The following CHST9 variants were observed in gnomAD, a reference collection of about 807,000 sequenced individuals.
The protein encoded by CHST9 is GalNAc-4-sulfotransferase 2.
Under a neutral mutation model 44.4 loss-of-function variants are expected in CHST9, and 41 were observed. The observed-to-expected ratio is 0.92, with a 90% confidence interval of 0.72 to 1.20. The LOEUF is 1.20. CHST9 is among the 50% of genes most tolerant of loss of function. The pLI, the probability that CHST9 is intolerant of heterozygous loss-of-function variation, is 0.00. For synonymous variants in CHST9, 171 were observed against 178.4 expected (o/e 0.96, Z 0.33); for missense variants, 504 against 516.5 (o/e 0.98, Z 0.23).
chr18:27,063,748 C>T (rs1375887143), intron 2 of CHST9, among the ~76,000 whole-genome samples: 1 of 151,942 alleles, frequency 6.6e-6, no homozygotes. Flanking sequence ...CCTCAATTCA[C>T]TATTTGCTAT....
At chr18:26,946,771 A>G (rs2145121788) in intron 4 of CHST9, among the ~76,000 whole-genome samples, 1 of 152,082 alleles carries the variant, frequency 6.6e-6, no homozygotes, top group Non-Finnish European at 1.5e-5. Context: ...TTTATTAAAT[A>G]GGAAATCCTT....
chr18:27,101,508 G>C lies in CHST9; in HGVS notation c.121+41181C>G, dbSNP rs536046949. Reference sequence around the variant, plus strand: ...CTGGCGGGGGTGAGGGTGGGCGGGGGCTGAGGCCGGAGAATGGAGTGAACC... The same window carrying C: ...CTGGCGGGGGTGAGGGTGGGCGGGGCCTGAGGCCGGAGAATGGAGTGAACC... On this transcript the variant is annotated intron_variant, in intron 2 of 5. Coordinates refer to ENST00000618847, the MANE Select transcript of CHST9 (RefSeq NM_031422.6). Among the ~76,000 whole-genome samples, 1,147 of 151,716 alleles carry C rather than the reference G, an allele frequency of 7.6e-3. 15 individuals carry two copies. Among genetic ancestry groups the C allele is most frequent in the African/African-American group, 0.026 (1,057 of 41,312 alleles).
intron 4 of CHST9, among the ~76,000 whole-genome samples, chr18:27,008,985 T>C (rs186220647): frequency 4.2e-4 from 64 of 151,858 alleles, no homozygotes; most frequent in African/African-American, 1.4e-3. Flanking sequence ...CACTTGCGAG[T>C]GCTCTCACTC....
intron 4 of CHST9, among the ~76,000 whole-genome samples, chr18:26,948,922 G>A (rs1299898748): frequency 5.9e-5 from 9 of 152,084 alleles, no homozygotes; most frequent in Non-Finnish European, 1.0e-4. Flanking sequence ...TGTAATACAC[G>A]CATACACTTT....
chr18:26,944,499 A>G, intron 4 of CHST9, 133 bp from the exon 5 acceptor site: 1 of 653,910 alleles, frequency 1.5e-6, no homozygotes, highest in Non-Finnish European at 2.7e-6. Flanking sequence ...TTCTATCACA[A>G]TGTGGATGTT....
At chr18:27,178,889 T>C (rs2143976760) in intron 1 of CHST9, among the ~76,000 whole-genome samples, 1 of 152,186 alleles carries the variant, frequency 6.6e-6, no homozygotes, top group Non-Finnish European at 1.5e-5. Context: ...TTTTGTGGTA[T>C]AAATTCCAGT....
In CHST9 at chr18:26,908,044, AT is replaced by A. The variant is rs373988633; in HGVS notation, c.*8214del. 132 of 153,268 alleles carry A rather than the reference AT, an allele frequency of 8.6e-4. No homozygotes were observed. Among genetic ancestry groups the A allele is most frequent in the Non-Finnish European group, 1.5e-3 (101 of 68,640 alleles). The allele number at this position is 153,268 out of a possible 1,614,324, so 9.5% of individuals were successfully genotyped here. A position where few individuals can be genotyped will look rare whatever the true frequency, so the allele number is the denominator to read the frequency against. On this transcript the variant is annotated 3_prime_UTR_variant, in exon 6 of 6. Coordinates refer to ENST00000618847, the MANE Select transcript of CHST9 (RefSeq NM_031422.6). ...GTTGTTTAATAGGTGCAGAGTATCC[AT>A]TTTTCACAAGGAAGGAAGGTATGTG...
chr18:27,077,982 G>T (rs1037605993), intron 2 of CHST9, among the ~76,000 whole-genome samples: 5 of 152,070 alleles, frequency 3.3e-5, no homozygotes, highest in Non-Finnish European at 7.4e-5. Context: ...GAGCATGAAG[G>T]GGGAGGTGCC....
chr18:27,144,381 G>C (rs1327619492), intron 1 of CHST9, among the ~76,000 whole-genome samples: 2 of 152,098 alleles, frequency 1.3e-5, no homozygotes. Flanking sequence ...GGTATTCTTG[G>C]CAAAACCAAT....
intron 2 of CHST9, among the ~76,000 whole-genome samples, chr18:27,078,586 C>T (rs1264452400): frequency 6.6e-6 from 1 of 152,084 alleles, no homozygotes; most frequent in Non-Finnish European, 1.5e-5. Flanking sequence ...AAACAAGGTT[C>T]AATGGTGTTA....
chr18:27,122,152 A>C (rs1330876722), intron 2 of CHST9, among the ~76,000 whole-genome samples: 1 of 152,236 alleles, frequency 6.6e-6, no homozygotes, highest in Admixed American at 6.5e-5. Flanking sequence ...CAAACGCACC[A>C]GTGTATTTAA....
intron 4 of CHST9, among the ~76,000 whole-genome samples, chr18:26,992,220 C>T (rs1318714589): frequency 3.1e-5 from 4 of 126,996 alleles, no homozygotes; most frequent in African/African-American, 1.1e-4. Context: ...CAGCCCCTCA[C>T]TCTGAATTAG....
rs1447452881 is a variant in CHST9 at position 26,916,798 on chromosome 18, C to G, written c.793G>C (p.Gly265Arg). The G allele has an allele frequency of 6.2e-7, 1 of 1,613,814 alleles. No individual in the cohort carries two copies. The highest frequency in any genetic ancestry group is 8.5e-7 in the Non-Finnish European group (1 of 1,179,822). ...TAAGTATTTAAGCGGGTATATATCC[C>G]TTTTAGGTCAAAGCTATCTAGCTTC... ...LKKLDSFDLK[G>R]IYTRLNTYTK... Residue 265 changes from glycine to arginine, a missense_variant, in exon 6 of 6, where the codon GGG becomes CGG. By Grantham distance (125) the Gly-to-Arg change is moderately radical. Transcript: ENST00000618847.
intron 5 of CHST9, among the ~76,000 whole-genome samples, chr18:26,932,044 C>CA (rs2055887779): frequency 6.6e-6 from 1 of 151,990 alleles, no homozygotes; most frequent in Non-Finnish European, 1.5e-5. Context: ...TACCGAGTTA[C>CA]CTTGAGGTAG....
intron 4 of CHST9, among the ~76,000 whole-genome samples, chr18:26,998,739 C>CAA (rs11480705): frequency 0.056 from 6,438 of 113,974 alleles, 190 homozygotes; most frequent in Non-Finnish European, 0.068. Flanking sequence ...ACAACAACAA[C>CAA]AAAAAAAAAA....
intron 4 of CHST9, among the ~76,000 whole-genome samples, chr18:26,954,073 C>G (rs2056288494): frequency 6.6e-6 from 1 of 152,130 alleles, no homozygotes; most frequent in Non-Finnish European, 1.5e-5. Flanking sequence ...ACATCCCCCT[C>G]TTTTCACCAT....
rs2055500304 is a variant in CHST9, at chr18:26,915,329, C to T, written c.*930G>A. 2.9e-5 allele frequency: 6 copies of T among 208,336 alleles called. No homozygotes were observed. The highest frequency in any genetic ancestry group is 2.4e-4 in the Admixed American group (4 of 16,988). 12.9% of individuals were successfully genotyped at this position (208,336 alleles called of 1,614,324 possible). A position where few individuals can be genotyped will look rare whatever the true frequency, so the allele number is the denominator to read the frequency against. On this transcript the variant is annotated 3_prime_UTR_variant, in exon 6 of 6. Transcript: ENST00000618847. ...CTTAGGGTGTATTCCACATATAAAG[C>T]TATGCACATGATGCTTTGATTCAAA...
At chr18:27,141,297 G>A (rs1275240664) in intron 2 of CHST9, among the ~76,000 whole-genome samples, 5 of 151,478 alleles carry the variant, frequency 3.3e-5, no homozygotes, top group South Asian at 4.2e-4. Context: ...CCCAGCAGGC[G>A]GAGCTTGCAG....
rs569765454 is a variant in CHST9 at position 27,145,671 on chromosome 18, GA to G, written c.-96-2767del. On this transcript the variant is annotated intron_variant, in intron 1 of 5. Coordinates refer to ENST00000618847, the MANE Select transcript of CHST9 (RefSeq NM_031422.6). ...ACATTTCCTTGATTCAGGTAGTAAA[GA>G]AAGTTTTTAAATAAGTAGAAGAGCC... Among the ~76,000 whole-genome samples, 440 of 152,308 alleles carry G rather than the reference GA, an allele frequency of 2.9e-3. 2 individuals are homozygous for G. Among genetic ancestry groups the G allele is most frequent in the South Asian group, 5.4e-3 (26 of 4,820 alleles).
Sources: allele counts gnomAD v4.1 joint callset (sites outside exome capture counted in the v4.1 genomes callset), GRCh38; gene constraint gnomAD v4.1.1; transcripts MANE v1.5; gene names NCBI Gene and HGNC (gene_info 2026-07-23, HGNC 2026-07-21).